ERBB3: variants seen among roughly 807,000 people sequenced by gnomAD.
The protein encoded by ERBB3 is receptor tyrosine-protein kinase erbB-3.
In ERBB3, 96 loss-of-function variants were observed where a neutral mutation model predicts 156.7. That is an observed-to-expected ratio of 0.61 (90% CI 0.52 to 0.73). The LOEUF (loss-of-function observed/expected upper bound fraction) is 0.73, where lower values mean the gene tolerates loss of function less well. ERBB3 is among the 30% of genes least tolerant of loss of function. ERBB3 has a pLI of 0.00. For synonymous variants in ERBB3, 567 were observed against 632.0 expected (o/e 0.90, Z 1.54); for missense variants, 1,406 against 1,709.4 (o/e 0.82, Z 3.13).
At position 56,096,820 on chromosome 12, in the gene ERBB3, C is replaced by T. The variant is rs373831196; in HGVS notation, c.2248C>T (p.Arg750Trp). The change falls in exon 19 of 28, where the codon CGG (arginine) becomes TGG (tryptophan). Residue 750 changes from arginine (R) to tryptophan (W), a missense_variant. Around this residue, in one of 3 missense-constraint regions of ERBB3, gnomAD observed 979 missense variants for 1,219.6 expected, o/e 0.80. Transcript: ENST00000267101. The stretch of plus-strand genomic sequence containing the variant: ...TAAAGTCATTGAGGACAAGAGTGGA[C>T]GGCAGAGTTTTCAAGCTGTGACAGA... ...CIKVIEDKSG[R>W]QSFQAVTDHM... is the part of the protein sequence containing the mutation. The T allele has an allele frequency of 9.3e-6, 15 of 1,613,246 alleles. No individual in the cohort carries two copies. Among genetic ancestry groups the T allele is most frequent in the Admixed American group, 1.7e-5 (1 of 59,986 alleles).
At chr12:56,088,955 C>A (rs1868578319) in intron 9 of ERBB3, 87 bp downstream of exon 9, 2 of 1,542,550 alleles carry the variant, frequency 1.3e-6, no homozygotes, top group East Asian at 4.5e-5. Context: ...CTATGTGGAG[C>A]TGACTAGGAA....
chr12:56,087,634 G>C lies in ERBB3; in HGVS notation c.605G>C (p.Cys202Ser). The change falls in exon 5 of 28, where the codon TGC becomes TCC. Residue 202 changes from cysteine (C) to serine (S), a missense_variant. By Grantham distance (112) the Cys-to-Ser change is moderately radical. Transcript: ENST00000267101. Reference protein sequence around the residue: ...GRCWGPGSEDCQTLTKTICAP... With the variant: ...GRCWGPGSEDSQTLTKTICAP... ...TGCTGGGGTCCTGGATCAGAAGACT[G>C]CCAGACATGTGGGTTTGAAATTCCC... The C allele has an allele frequency of 6.2e-7, 1 of 1,614,100 alleles. No individual in the cohort carries two copies. The highest frequency in any genetic ancestry group is 8.5e-7 in the Non-Finnish European group (1 of 1,179,944).
In ERBB3 at chr12:56,083,889, TCTC is replaced by T; in HGVS notation, c.224_226del (p.Ser75del). ...GTGCTCACGGGACACAATGCCGACC[TCTC>T]CTTCCTGCAGGTTAGTGAGCCCACC... On this transcript the variant is annotated inframe_deletion, in exon 2 of 28. Coordinates refer to ENST00000267101, the MANE Select transcript of ERBB3 (RefSeq NM_001982.4). The T allele has an allele frequency of 6.2e-7, 1 of 1,614,058 alleles. No individual in the cohort carries two copies. The highest frequency in any genetic ancestry group is 1.1e-5 in the South Asian group (1 of 91,072).
chr12:56,092,758 A>C lies in ERBB3; in HGVS notation c.1121A>C (p.His374Pro). Residue 374 changes from histidine (H) to proline (P), a missense_variant, in exon 10 of 28, where the codon CAC becomes CCC. Transcript: ENST00000267101. ...ACTGTTCTATTCAGAGACCCCTGGC[A>C]CAAGATCCCTGCCCTGGACCCAGAG... ...LITGLNGDPW[H>P]KIPALDPEKL... 5 of 1,614,024 alleles carry C rather than the reference A, an allele frequency of 3.1e-6. No individual in the cohort carries two copies. Among genetic ancestry groups the C allele is most frequent in the Non-Finnish European group, 4.2e-6 (5 of 1,179,872 alleles).
Position 56,088,098 on chromosome 12 carries a change from C to T in ERBB3, c.810C>T (p.Phe270=), listed in dbSNP as rs745708003. ...CTCTTGTCTACAACAAGCTAACTTT[C>T]CAGCTGGAACCCAATCCCCACACCA... ...PQPLVYNKLT[F]QLEPNPHTKY... Residue 270 remains phenylalanine (F), a synonymous_variant, in exon 7 of 28, where the codon TTC becomes TTT. Transcript: ENST00000267101. The T allele has an allele frequency of 8.7e-5, 141 of 1,614,062 alleles. No homozygotes were observed. The highest frequency in any genetic ancestry group is 1.1e-4 in the Non-Finnish European group (134 of 1,180,034).
In ERBB3 at chr12:56,096,495, C is replaced by T. The variant is rs1422313463; in HGVS notation, c.2056-8C>T. 1 of 1,613,812 alleles carries T rather than the reference C, an allele frequency of 6.2e-7. No individual in the cohort carries two copies. Among genetic ancestry groups the T allele is most frequent in the East Asian group, 2.2e-5 (1 of 44,876 alleles). On this transcript the variant is annotated splice_polypyrimidine_tract_variant and splice_region_variant and intron_variant, in intron 17 of 27. Coordinates refer to ENST00000267101, the MANE Select transcript of ERBB3 (RefSeq NM_001982.4). The stretch of plus-strand genomic sequence containing the variant: ...TTCCTGAGTAACTCCTTCCCATTTG[C>T]TCCTCAGAGCATAGAGCCTCTGGAC...
chr12:56,082,783 A>G (rs57237559), intron 1 of ERBB3, among the ~76,000 whole-genome samples: 10,096 of 152,200 alleles, frequency 0.066, 1,145 homozygotes, highest in African/African-American at 0.23. Context: ...ATGTACCTCT[A>G]GTCTAGGCTC....
rs369435312 is a variant in ERBB3, at chr12:56,098,841, G to A, written c.2775G>A (p.Glu925=). Residue 925 remains glutamate, a synonymous_variant, in exon 23 of 28, where the codon GAG becomes GAA. Transcript: ENST00000267101. ...LRLAEVPDLL[E]KGERLAQPQI... is the part of the protein sequence containing the mutation. ...TGGCTGAAGTACCAGACCTGCTAGA[G>A]AAGGGGGAGCGGTTGGCACAGCCCC... is the stretch of plus-strand genomic sequence containing the variant. 4.3e-6 allele frequency: 7 copies of A among 1,614,050 alleles called. No individual in the cohort carries two copies. Among genetic ancestry groups the A allele is most frequent in the Middle Eastern group, 1.6e-4 (1 of 6,084 alleles).
Position 56,085,002 on chromosome 12 carries a change from G to A in ERBB3, c.242G>A (p.Arg81Gln), listed in dbSNP as rs1324972550. The A allele has an allele frequency of 1.9e-6, 3 of 1,613,830 alleles. No homozygotes were observed. Among genetic ancestry groups the A allele is most frequent in the Non-Finnish European group, 2.5e-6 (3 of 1,179,752 alleles). Residue 81 changes from arginine to glutamine, a missense_variant, in exon 3 of 28, where the codon CGA becomes CAA. By Grantham distance (43) the Arg-to-Gln change is conservative. Coordinates refer to ENST00000267101, the MANE Select transcript of ERBB3 (RefSeq NM_001982.4). ...TAATCTGCTCTGTCACAGTGGATTCGAGAAGTGACAGGCTATGTCCTCGTG... is the reference window on the plus strand; with the variant it reads ...TAATCTGCTCTGTCACAGTGGATTCAAGAAGTGACAGGCTATGTCCTCGTG... ...NADLSFLQWI[R>Q]EVTGYVLVAM...
At chr12:56,082,473 G>A (rs1311610009) in intron 1 of ERBB3, among the ~76,000 whole-genome samples, 1 of 152,100 alleles carries the variant, frequency 6.6e-6, no homozygotes, top group Non-Finnish European at 1.5e-5. Context: ...ACCTTCATGG[G>A]GAGTGATAAG....
chr12:56,085,101 A>G lies in ERBB3; in HGVS notation c.341A>G (p.Lys114Arg). The G allele has an allele frequency of 6.2e-7, 1 of 1,614,120 alleles. No homozygotes were observed. The highest frequency in any genetic ancestry group is 8.5e-7 in the Non-Finnish European group (1 of 1,180,026). Reference sequence around the variant, plus strand: ...CGAGGGACCCAGGTCTACGATGGGAAGTTTGCCATCTTCGTCATGTTGAAC... The same window carrying G: ...CGAGGGACCCAGGTCTACGATGGGAGGTTTGCCATCTTCGTCATGTTGAAC... ...VVRGTQVYDG[K>R]FAIFVMLNYN... Residue 114 changes from lysine (K) to arginine (R), a missense_variant, in exon 3 of 28, where the codon AAG becomes AGG. Coordinates refer to ENST00000267101, the MANE Select transcript of ERBB3 (RefSeq NM_001982.4).
In ERBB3 at chr12:56,098,798, C is replaced by T. The variant is rs2136822440; in HGVS notation, c.2732C>T (p.Pro911Leu). 6.2e-7 allele frequency: 1 copy of T among 1,614,088 alleles called. No individual in the cohort carries two copies. The highest frequency in any genetic ancestry group is 8.5e-7 in the Non-Finnish European group (1 of 1,180,012). ...VWELMTFGAE[P>L]YAGLRLAEVP... is the part of the protein sequence containing the mutation. ...GAGTTGATGACCTTCGGGGCAGAGC[C>T]CTATGCAGGGCTACGATTGGCTGAA... Residue 911 changes from proline (P) to leucine (L), a missense_variant, in exon 23 of 28, where the codon CCC becomes CTC. Physicochemically the swap from Pro to Leu is moderately conservative, Grantham distance 98 (BLOSUM62 -3). Coordinates refer to ENST00000267101, the MANE Select transcript of ERBB3 (RefSeq NM_001982.4).
Position 56,086,680 on chromosome 12 carries a change from C to T in ERBB3, c.547+24C>T, listed in dbSNP as rs771120188. 9.9e-6 allele frequency: 16 copies of T among 1,613,558 alleles called. 1 individual carries two copies. In the South Asian group the frequency reaches 1.4e-4, roughly 14 times the overall value. On this transcript the variant is annotated intron_variant, in intron 4 of 27. Coordinates refer to ENST00000267101, the MANE Select transcript of ERBB3 (RefSeq NM_001982.4). ...CTGTAAGTGGCCGTGATCAAGATTG[C>T]TCCCCAGTCCCACCAAACCAGAGTG...
intron 1 of ERBB3, among the ~76,000 whole-genome samples, chr12:56,082,204 T>A (rs1868361503): frequency 6.6e-6 from 1 of 152,142 alleles, no homozygotes; most frequent in Admixed American, 6.5e-5. Context: ...GCAGGACCAA[T>A]GTGTACGTGT....
intron 17 of ERBB3, 190 bp downstream of exon 17, chr12:56,095,996 A>G (rs1565860082): frequency 3.0e-6 from 2 of 661,406 alleles, no homozygotes; most frequent in East Asian, 2.7e-5. Context: ...CTAGAAGAAC[A>G]CTGGTCAGAG....
In ERBB3 at chr12:56,101,299, C is replaced by A; in HGVS notation, c.3440C>A (p.Ser1147Tyr). ...HSLLTPVTPLSPPGLEEEDVN... is the reference protein window; with the variant it reads ...HSLLTPVTPLYPPGLEEEDVN... ...CTGCTGACTCCTGTTACCCCACTCT[C>A]CCCACCCGGGTTAGAGGAAGAGGAT... The change falls in exon 27 of 28, where the codon TCC (serine) becomes TAC (tyrosine). Residue 1147 changes from serine (S) to tyrosine (Y), a missense_variant. Physicochemically the swap from Ser to Tyr is moderately radical, Grantham distance 144 (BLOSUM62 -2). Around this residue, in one of 3 missense-constraint regions of ERBB3, gnomAD observed 415 missense variants for 454.1 expected, o/e 0.91. Coordinates refer to ENST00000267101, the MANE Select transcript of ERBB3 (RefSeq NM_001982.4). The A allele has an allele frequency of 6.2e-7, 1 of 1,614,180 alleles. No individual in the cohort carries two copies. The highest frequency in any genetic ancestry group is 8.5e-7 in the Non-Finnish European group (1 of 1,180,024).
chr12:56,087,812 G>C lies in ERBB3; in HGVS notation c.631G>C (p.Ala211Pro), dbSNP rs1217485820. Reference protein sequence around the residue: ...DCQTLTKTICAPQCNGHCFGP... With the variant: ...DCQTLTKTICPPQCNGHCFGP... The stretch of plus-strand genomic sequence containing the variant: ...TTCCATAGTGACCAAGACCATCTGT[G>C]CTCCTCAGTGTAATGGTCACTGCTT... Residue 211 changes from alanine (A) to proline (P), a missense_variant, in exon 6 of 28, where the codon GCT becomes CCT. Physicochemically the swap from Ala to Pro is conservative, Grantham distance 27. Transcript: ENST00000267101. 2 of 1,613,952 alleles carry C rather than the reference G, an allele frequency of 1.2e-6. No individual in the cohort carries two copies. The highest frequency in any genetic ancestry group is 1.7e-6 in the Non-Finnish European group (2 of 1,179,888).
At chr12:56,092,053 A>C in intron 9 of ERBB3, among the ~76,000 whole-genome samples, 1 of 147,056 alleles carries the variant, frequency 6.8e-6, no homozygotes, top group African/African-American at 2.5e-5. Flanking sequence ...CAGCCAGTGC[A>C]CTCACTCTGC....
At chr12:56,100,931 C>T in intron 26 of ERBB3, 130 bp from the exon 27 acceptor site, 1 of 747,344 alleles carries the variant, frequency 1.3e-6, no homozygotes, top group South Asian at 1.8e-5. Flanking sequence ...AAGAACAAGA[C>T]TCCACCTCAA....
Sources: allele counts gnomAD v4.1 joint callset (sites outside exome capture counted in the v4.1 genomes callset), GRCh38; gene constraint gnomAD v4.1.1; regional missense constraint gnomAD v4.1.1; transcripts MANE v1.5; gene names NCBI Gene and HGNC (gene_info 2026-07-23, HGNC 2026-07-21).